ZMYND11: variants seen among roughly 807,000 people sequenced by gnomAD.
The protein encoded by ZMYND11 is zinc finger MYND domain-containing protein 11.
A neutral mutation model predicts 84.9 loss-of-function variants in ZMYND11; 9 were observed. The observed-to-expected ratio is 0.11, with a 90% CI of 0.06 to 0.18. The LOEUF is 0.18. Among genes scored for constraint, ZMYND11 ranks in the 10% least tolerant of loss-of-function variants. The probability of loss-of-function intolerance (pLI) is 1.00; values close to 1 mark genes in which losing one functional copy is unlikely to be tolerated. For synonymous variants in ZMYND11, 250 were observed against 244.1 expected (o/e 1.02, Z -0.23); for missense variants, 409 against 761.0 (o/e 0.54, Z 5.44).
chr10:234,923 TGGAG>T (rs1271642241), intron 4 of ZMYND11, among the ~76,000 whole-genome samples: 2 of 151,896 alleles, frequency 1.3e-5, no homozygotes, highest in Non-Finnish European at 2.9e-5. Flanking sequence ...AATGCAAAAA[TGGAG>T]GATCATTTTT....
At chr10:238,443 G>A (rs568777000) in intron 6 of ZMYND11, among the ~76,000 whole-genome samples, 2 of 151,790 alleles carry the variant, frequency 1.3e-5, no homozygotes, top group East Asian at 1.9e-4. Flanking sequence ...TGCAAGCTCT[G>A]CCTCCCGGGT....
upstream of ZMYND11, among the ~76,000 whole-genome samples, chr10:131,010 G>A (rs1314860189): frequency 6.6e-6 from 1 of 152,090 alleles, no homozygotes; most frequent in South Asian, 2.1e-4. Context: ...CCAGCTGCTC[G>A]GGAGGCTGAG....
chr10:241,773 T>C (rs1288558895), intron 9 of ZMYND11, among the ~76,000 whole-genome samples: 1 of 152,182 alleles, frequency 6.6e-6, no homozygotes, highest in African/African-American at 2.4e-5. Context: ...TGCTCTTGTT[T>C]GCCACCGTCA....
chr10:203,445 A>G (rs926196289), intron 2 of ZMYND11, among the ~76,000 whole-genome samples: 7 of 152,212 alleles, frequency 4.6e-5, no homozygotes, highest in African/African-American at 1.7e-4. Flanking sequence ...AAAGACATAG[A>G]AAAATATATA....
At chr10:234,982 A>ATGTATG (rs1554786689) in intron 4 of ZMYND11, among the ~76,000 whole-genome samples, 2 of 148,884 alleles carry the variant, frequency 1.3e-5, no homozygotes, top group South Asian at 2.2e-4. Context: ...TATTTCGCAA[A>ATGTATG]TGTGTGTGTG....
chr10:199,756 A>G (rs1198041637), intron 2 of ZMYND11, among the ~76,000 whole-genome samples: 1 of 152,172 alleles, frequency 6.6e-6, no homozygotes, highest in African/African-American at 2.4e-5. Flanking sequence ...TTGAAACATT[A>G]ATTTTATTAA....
At chr10:178,395 TG>T (rs1264085381) in intron 1 of ZMYND11, among the ~76,000 whole-genome samples, 26 of 152,326 alleles carry the variant, frequency 1.7e-4, no homozygotes, top group African/African-American at 4.8e-4. Context: ...CTCACAGGAT[TG>T]AGTTGTATTA....
chr10:150,837 C>T (rs1048389740), intron 1 of ZMYND11, among the ~76,000 whole-genome samples: 20 of 152,206 alleles, frequency 1.3e-4, no homozygotes, highest in African/African-American at 4.6e-4. Flanking sequence ...CACCCCCCAG[C>T]AGGGGCAGAC....
chr10:152,975 G>A (rs781843176), intron 1 of ZMYND11, among the ~76,000 whole-genome samples: 16 of 152,298 alleles, frequency 1.1e-4, no homozygotes, highest in Admixed American at 7.2e-4. Context: ...GGTACATAGC[G>A]AAATGAAGGC....
At chr10:189,090 G>C (rs891112928) in intron 2 of ZMYND11, among the ~76,000 whole-genome samples, 4 of 152,150 alleles carry the variant, frequency 2.6e-5, no homozygotes, top group African/African-American at 9.7e-5. Context: ...AATTACTTGC[G>C]TTGCTTACTT....
intron 2 of ZMYND11, among the ~76,000 whole-genome samples, chr10:200,205 G>GGGGTGTGTGTGTGTGTGTGTGT (rs1554774397): frequency 7.6e-6 from 1 of 132,434 alleles, no homozygotes. Flanking sequence ...GCCTGGCTAG[G>GGGGTGTGTGTGTGTGTGTGTGT]GTGTGTGTGT....
chr10:189,918 A>G (rs2130891749), intron 2 of ZMYND11, among the ~76,000 whole-genome samples: 1 of 152,188 alleles, frequency 6.6e-6, no homozygotes, highest in Non-Finnish European at 1.5e-5. Context: ...TGATATTTCG[A>G]TGGGATTCGA....
chr10:224,965 TG>T (rs1342454067), intron 4 of ZMYND11, among the ~76,000 whole-genome samples: 1 of 152,216 alleles, frequency 6.6e-6, no homozygotes, highest in Admixed American at 6.5e-5. Flanking sequence ...TTGTTTTATT[TG>T]AATTTTATTT....
chr10:237,111 T>C (rs1950120512), intron 5 of ZMYND11, among the ~76,000 whole-genome samples, 196 bp downstream of exon 5: 1 of 152,228 alleles, frequency 6.6e-6, no homozygotes, highest in South Asian at 2.1e-4. Flanking sequence ...TTGTTTTGTC[T>C]GTTTTGGACA....
At chr10:221,133 G>C in intron 3 of ZMYND11, 62 bp from the exon 4 acceptor site, 3 of 1,457,572 alleles carry the variant, frequency 2.1e-6, no homozygotes, top group Non-Finnish European at 2.9e-6. Context: ...TTTCAATTTT[G>C]TTCTTAGTCA....
upstream of ZMYND11, among the ~76,000 whole-genome samples, chr10:131,835 T>A (rs1588304967): frequency 6.6e-6 from 1 of 152,190 alleles, no homozygotes; most frequent in East Asian, 1.9e-4. Flanking sequence ...GCTGAAAGTT[T>A]TTTAAAATTA....
chr10:225,399 G>T lies in ZMYND11; in HGVS notation c.438+4043G>T, dbSNP rs772900111. 4.5e-4 allele frequency among the ~76,000 whole-genome samples: 69 copies of T among 152,120 alleles called. 1 individual carries two copies. The highest frequency in any genetic ancestry group is 5.3e-4 in the Non-Finnish European group (36 of 68,016). ...AGGATCTTGTTCTGTCACCCAGGTT[G>T]GAGTGCAGTGGCACAATCATGGCTC... On this transcript the variant is annotated intron_variant, in intron 4 of 14. Transcript: ENST00000381604.
At chr10:229,120 C>G (rs1370458996) in intron 4 of ZMYND11, among the ~76,000 whole-genome samples, 1 of 152,148 alleles carries the variant, frequency 6.6e-6, no homozygotes, top group African/African-American at 2.4e-5. Flanking sequence ...TGATCTTAGT[C>G]AAAATTTGTT....
chr10:130,806 T>G (rs936316146), upstream of ZMYND11, among the ~76,000 whole-genome samples: 2 of 152,214 alleles, frequency 1.3e-5, no homozygotes, highest in South Asian at 4.1e-4. Flanking sequence ...TAGTGCATAT[T>G]CTTCTACATC....
Sources: allele counts gnomAD v4.1 joint callset (sites outside exome capture counted in the v4.1 genomes callset), GRCh38; gene constraint gnomAD v4.1.1; transcripts MANE v1.5; gene names NCBI Gene and HGNC (gene_info 2026-07-23, HGNC 2026-07-21).